Variants in CDIN1 observed in about 807,000 individuals in gnomAD.
CDIN1 encodes the protein CDAN1-interacting nuclease 1.
A neutral mutation model predicts 45.3 loss-of-function variants in CDIN1; 33 were observed. The observed-to-expected ratio is 0.73, with a 90% CI of 0.55 to 0.97. The LOEUF is 0.97. Ranked by LOEUF, CDIN1 falls within the 50% of genes least tolerant of loss-of-function variation. The probability of loss-of-function intolerance (pLI) is 0.00; values close to 1 mark genes in which losing one functional copy is unlikely to be tolerated. For missense variants in CDIN1, 303 were observed against 339.4 expected, an observed-to-expected ratio of 0.89 and a Z score of 0.84; for synonymous variants, 118 against 124.4, an observed-to-expected ratio of 0.95 and a Z score of 0.34.
At chr15:36,736,576 A>C (rs2044028157) in intron 10 of CDIN1, among the ~76,000 whole-genome samples, 1 of 152,288 alleles carries the variant, frequency 6.6e-6, no homozygotes, top group Middle Eastern at 3.4e-3. Flanking sequence ...AAGGCTGAAG[A>C]ACCTTAAGCC....
At chr15:36,614,604 A>C (rs530177410) in intron 1 of CDIN1, among the ~76,000 whole-genome samples, 19 of 152,270 alleles carry the variant, frequency 1.2e-4, no homozygotes, top group Non-Finnish European at 1.9e-4. Context: ...TTTCACCTTA[A>C]TGCATATTCC....
At chr15:36,694,370 T>G (rs1295498730) in intron 7 of CDIN1, among the ~76,000 whole-genome samples, 1 of 152,212 alleles carries the variant, frequency 6.6e-6, no homozygotes, top group Non-Finnish European at 1.5e-5. Context: ...TTAGTAATAT[T>G]TACATTGCTT....
chr15:36,617,984 C>T (rs2038977980), intron 1 of CDIN1: 3 of 778,086 alleles, frequency 3.9e-6, no homozygotes. Context: ...GACTCAAGCA[C>T]AGTATGCCTC....
chr15:36,793,927 T>A (rs12595481), intron 10 of CDIN1, among the ~76,000 whole-genome samples: 130,295 of 151,686 alleles, frequency 0.86, 59,510 homozygotes, highest in Non-Finnish European at 1. Flanking sequence ...GCTAGTTATC[T>A]GTTTACATTA....
chr15:36,791,131 C>T (rs1422700917), intron 10 of CDIN1, among the ~76,000 whole-genome samples: 1 of 152,190 alleles, frequency 6.6e-6, no homozygotes, highest in African/African-American at 2.4e-5. Flanking sequence ...GCAAATGAAT[C>T]AGTAAAGCAA....
intron 10 of CDIN1, among the ~76,000 whole-genome samples, chr15:36,758,340 G>A (rs978592790): frequency 3.3e-5 from 5 of 152,242 alleles, no homozygotes; most frequent in Non-Finnish European, 7.4e-5. Flanking sequence ...TATTTCAACA[G>A]TTTTACTGAG....
intron 1 of CDIN1, among the ~76,000 whole-genome samples, chr15:36,606,204 A>C (rs2038372447): frequency 1.3e-5 from 2 of 152,034 alleles, no homozygotes; most frequent in Admixed American, 1.3e-4. Flanking sequence ...TACACTATGA[A>C]TATGTTTCTG....
At chr15:36,618,594 GT>G (rs949070744) in intron 1 of CDIN1, 2 of 838,472 alleles carry the variant, frequency 2.4e-6, no homozygotes, top group Non-Finnish European at 4.2e-6. Context: ...AGAATAGGAT[GT>G]CTGATGTTGT....
chr15:36,585,598 A>G (rs1010882782), intron 1 of CDIN1, among the ~76,000 whole-genome samples: 1 of 152,126 alleles, frequency 6.6e-6, no homozygotes, highest in Non-Finnish European at 1.5e-5. Context: ...GTGACTTCAT[A>G]TGTCTTATTA....
At chr15:36,593,588 T>C (rs1566817374) in intron 1 of CDIN1, among the ~76,000 whole-genome samples, 1 of 152,260 alleles carries the variant, frequency 6.6e-6, no homozygotes, top group Middle Eastern at 3.4e-3. Flanking sequence ...TTTTTTGAAA[T>C]GGAGTCTCGC....
intron 8 of CDIN1, chr15:36,708,310 C>T (rs1252220454): frequency 6.6e-6 from 1 of 151,932 alleles, no homozygotes; most frequent in Admixed American, 6.6e-5. Flanking sequence ...CTTGGTCGGG[C>T]CATTAGTTGA....
intron 1 of CDIN1, among the ~76,000 whole-genome samples, 153 bp downstream of exon 1, chr15:36,580,114 A>C (rs568149589): frequency 6.6e-6 from 1 of 152,218 alleles, no homozygotes; most frequent in East Asian, 1.9e-4. Context: ...AAAAAGGTTT[A>C]TTCTTTCACT....
intron 10 of CDIN1, among the ~76,000 whole-genome samples, chr15:36,749,186 A>C (rs1165916954): frequency 1.3e-5 from 2 of 152,230 alleles, no homozygotes; most frequent in Non-Finnish European, 2.9e-5. Flanking sequence ...TGGTTGTCTT[A>C]GACCATTAAC....
At chr15:36,801,499 C>A (rs918827980) in intron 10 of CDIN1, among the ~76,000 whole-genome samples, 4 of 151,882 alleles carry the variant, frequency 2.6e-5, no homozygotes, top group African/African-American at 9.7e-5. Flanking sequence ...TTAACAAGTT[C>A]TGAACCTTCT....
intron 10 of CDIN1, among the ~76,000 whole-genome samples, chr15:36,767,848 TC>T (rs2141015990): frequency 6.6e-6 from 1 of 152,340 alleles, no homozygotes; most frequent in South Asian, 2.1e-4. Flanking sequence ...AGGAGGCTGA[TC>T]CAATAAGTGT....
At chr15:36,772,194 CTG>C (rs1037724371) in intron 10 of CDIN1, among the ~76,000 whole-genome samples, 8 of 152,018 alleles carry the variant, frequency 5.3e-5, no homozygotes, top group East Asian at 1.9e-4. Flanking sequence ...GCTATGAAAA[CTG>C]TATTTTTTTT....
At chr15:36,601,260 A>G (rs2038086996) in intron 1 of CDIN1, among the ~76,000 whole-genome samples, 1 of 152,182 alleles carries the variant, frequency 6.6e-6, no homozygotes, top group Admixed American at 6.5e-5. Flanking sequence ...ACTTGGACTG[A>G]AAAGGGACCT....
rs74720362 is a variant in CDIN1, at chr15:36,695,639, G to A, written c.477-1684G>A. On this transcript the variant is annotated intron_variant, in intron 7 of 10. Coordinates refer to ENST00000566621, the MANE Select transcript of CDIN1 (RefSeq NM_001321759.2). Reference sequence around the variant, plus strand: ...AGATGGGCAGATCACTTGAAGTTAGGAGTTTGAGACCAGCGTGGCCTACAT... The same window carrying A: ...AGATGGGCAGATCACTTGAAGTTAGAAGTTTGAGACCAGCGTGGCCTACAT... 4.0e-3 allele frequency among the ~76,000 whole-genome samples: 616 copies of A among 152,238 alleles called. 6 individuals carry two copies. The highest frequency in any genetic ancestry group is 0.014 in the African/African-American group (583 of 41,546).
chr15:36,603,016 C>T (rs1237095961), intron 1 of CDIN1, among the ~76,000 whole-genome samples: 3 of 151,890 alleles, frequency 2.0e-5, no homozygotes, highest in Admixed American at 6.6e-5. Flanking sequence ...TGTTTTTGAG[C>T]CATGGCAGCA....
Sources: gnomAD v4.1 joint callset for allele counts (sites outside exome capture counted in the v4.1 genomes callset) on GRCh38, gnomAD v4.1.1 for gene constraint, MANE v1.5 for transcripts, NCBI Gene and HGNC (gene_info 2026-07-23, HGNC 2026-07-21) for gene names.